The following WDR17 variants were observed in gnomAD, a reference collection of about 807,000 sequenced individuals.
WDR17 encodes the protein WD repeat-containing protein 17.
A neutral mutation model predicts 161.7 loss-of-function variants in WDR17; 143 were observed. That is an observed-to-expected ratio of 0.88 (90% CI 0.77 to 1.02). The LOEUF is 1.02. Ranked by LOEUF, WDR17 falls within the 50% of genes least tolerant of loss-of-function variation. WDR17 has a pLI of 0.00. For synonymous variants in WDR17, 517 were observed against 515.6 expected (o/e 1.00, Z -0.04); for missense variants, 1,469 against 1,520.9 (o/e 0.97, Z 0.57).
At chr4:176,143,514 AAT>A (rs1745647120) in intron 11 of WDR17, among the ~76,000 whole-genome samples, 2 of 150,208 alleles carry the variant, frequency 1.3e-5, no homozygotes, top group Non-Finnish European at 2.9e-5. Context: ...AAAAAAAAAA[AAT>A]GAAAAATGAA....
intron 6 of WDR17, among the ~76,000 whole-genome samples, chr4:176,129,599 T>A (rs10520334): frequency 0.29 from 44,336 of 151,932 alleles, 7,144 homozygotes; most frequent in African/African-American, 0.43. Context: ...GGGGAAGGGA[T>A]TTCAGTGATG....
chr4:176,103,593 A>G (rs1738180676), intron 1 of WDR17, among the ~76,000 whole-genome samples: 1 of 152,110 alleles, frequency 6.6e-6, no homozygotes, highest in Non-Finnish European at 1.5e-5. Context: ...TAATAGAGAT[A>G]GAAAACCAAA....
chr4:176,107,963 C>CCCTTCCTT (rs61042854), intron 1 of WDR17, among the ~76,000 whole-genome samples: 1 of 144,126 alleles, frequency 6.9e-6, no homozygotes, highest in Non-Finnish European at 1.5e-5. Context: ...TCCCTTTTGT[C>CCCTTCCTT]CCTTCCTTCC....
chr4:176,167,567 A>AC (rs535084427), intron 22 of WDR17, among the ~76,000 whole-genome samples: 1 of 128,850 alleles, frequency 7.8e-6, no homozygotes, highest in South Asian at 2.8e-4. Flanking sequence ...AATGGCGTGA[A>AC]CCCCAGGGGG....
chr4:176,093,760 G>A (rs1736437218), intron 1 of WDR17, among the ~76,000 whole-genome samples: 1 of 151,842 alleles, frequency 6.6e-6, no homozygotes. Context: ...CCAGGGAGGG[G>A]TGAGAGTTAA....
chr4:176,167,145 T>A (rs1749892861), intron 22 of WDR17, among the ~76,000 whole-genome samples: 1 of 152,202 alleles, frequency 6.6e-6, no homozygotes, highest in Non-Finnish European at 1.5e-5. Context: ...CTATATTCAT[T>A]ATATTCTTAA....
chr4:176,094,589 A>G (rs1736569660), intron 1 of WDR17, among the ~76,000 whole-genome samples: 1 of 152,222 alleles, frequency 6.6e-6, no homozygotes, highest in Non-Finnish European at 1.5e-5. Context: ...AGGACAACAT[A>G]TATTTCGGAA....
In WDR17 at chr4:176,180,866, G is replaced by A. The variant is rs1168088520; in HGVS notation, c.*1287G>A. On this transcript the variant is annotated 3_prime_UTR_variant, in exon 29 of 29. Coordinates refer to ENST00000508596, the MANE Select transcript of WDR17 (RefSeq NM_181265.4). ...GTGAAGCTATGAAAAGCCTGATAAT[G>A]TGACTACAGATATTTCAGTTGGACT... is the stretch of plus-strand genomic sequence containing the variant. The A allele has an allele frequency of 6.6e-6, 1 of 152,190 alleles. No homozygotes were observed. Among genetic ancestry groups the A allele is most frequent in the Non-Finnish European group, 1.5e-5 (1 of 68,030 alleles). 9.4% of individuals were successfully genotyped at this position (152,190 alleles called of 1,614,324 possible).
intron 15 of WDR17, 28 bp from the exon 16 acceptor site, chr4:176,150,440 C>G (rs544495759): frequency 6.3e-7 from 1 of 1,583,804 alleles, no homozygotes; most frequent in Non-Finnish European, 8.5e-7. Context: ...ATTCACTATT[C>G]CATATTTATT....
chr4:176,119,742 A>T, intron 3 of WDR17, 125 bp from the exon 4 acceptor site: 1 of 874,374 alleles, frequency 1.1e-6, no homozygotes, highest in Non-Finnish European at 1.7e-6. Flanking sequence ...TCCAATTCCC[A>T]AATAAGAAAG....
At chr4:176,135,349 TTTCTTCCTCTTGATCTCATCTTG>T in intron 8 of WDR17, 73 bp downstream of exon 8, 2 of 1,486,922 alleles carry the variant, frequency 1.3e-6, no homozygotes, top group Non-Finnish European at 9.4e-7. Flanking sequence ...TTTGAGTTAC[TTTCTTCCTCTTGATCTCATCTTG>T]TTCTAAATGA....
At chr4:176,144,625 A>G (rs1266355377) in intron 11 of WDR17, among the ~76,000 whole-genome samples, 2 of 152,190 alleles carry the variant, frequency 1.3e-5, no homozygotes, top group Non-Finnish European at 2.9e-5. Flanking sequence ...TTCAAATGAC[A>G]CTGGAAGTCC....
intron 1 of WDR17, among the ~76,000 whole-genome samples, chr4:176,095,222 C>T (rs546003606): frequency 1.5e-4 from 23 of 152,120 alleles, no homozygotes; most frequent in African/African-American, 5.1e-4. Context: ...ATAAGGCAGG[C>T]GATTAAAAAC....
chr4:176,078,351 A>T (rs1028104906), intron 1 of WDR17, among the ~76,000 whole-genome samples: 1 of 152,130 alleles, frequency 6.6e-6, no homozygotes, highest in Non-Finnish European at 1.5e-5. Context: ...TAGTTCAGGG[A>T]CTGGAATTTT....
chr4:176,172,315 A>G, intron 23 of WDR17, 60 bp from the exon 24 acceptor site: 2 of 1,489,880 alleles, frequency 1.3e-6, no homozygotes, highest in Non-Finnish European at 9.2e-7. Context: ...TTGTACTTAC[A>G]CTATTGCTTT....
chr4:176,118,242 T>C (rs1476506255), intron 3 of WDR17, among the ~76,000 whole-genome samples: 1 of 152,166 alleles, frequency 6.6e-6, no homozygotes, highest in Non-Finnish European at 1.5e-5. Context: ...CTATTATTAT[T>C]ATATGACACT....
rs559058174 is a variant in WDR17 at position 176,114,103 on chromosome 4, C to A, written c.124-1693C>A. Among the ~76,000 whole-genome samples the A allele has an allele frequency of 9.2e-5, 14 of 152,096 alleles. No homozygotes were observed. In the South Asian group the frequency reaches 1.0e-3, roughly 11 times the overall value. ...CACACATTTACTATATTAATAGATT[C>A]TTTTACTGAATTTCTAAATAATGTA... On this transcript the variant is annotated intron_variant, in intron 2 of 28. Coordinates refer to ENST00000508596, the MANE Select transcript of WDR17 (RefSeq NM_181265.4).
At chr4:176,150,630 AT>A in intron 16 of WDR17, 37 bp downstream of exon 16, 4 of 1,541,722 alleles carry the variant, frequency 2.6e-6, no homozygotes, top group African/African-American at 1.4e-5. Context: ...ACTCAAGCAA[AT>A]TTTTTGCCTT....
At chr4:176,172,279 A>T in intron 23 of WDR17, 96 bp from the exon 24 acceptor site, 1 of 1,111,668 alleles carries the variant, frequency 9.0e-7, no homozygotes, top group Non-Finnish European at 1.3e-6. Context: ...TAATAAGAAA[A>T]CCATACTAGG....
Sources: allele counts gnomAD v4.1 joint callset (sites outside exome capture counted in the v4.1 genomes callset), GRCh38; gene constraint gnomAD v4.1.1; transcripts MANE v1.5; gene names NCBI Gene and HGNC (gene_info 2026-07-23, HGNC 2026-07-21).